Variants in TUBA1C observed in about 807,000 individuals in gnomAD.
TUBA1C encodes the protein tubulin alpha 1c.
In TUBA1C, 16 loss-of-function variants were observed where a neutral mutation model predicts 34.9. The ratio of observed to expected loss-of-function variants is 0.46; its 90% confidence interval spans 0.31 to 0.70. The LOEUF is 0.70. Ranked by LOEUF, TUBA1C falls within the 30% of genes least tolerant of loss-of-function variation. TUBA1C has a pLI of 0.05. For synonymous variants in TUBA1C, 177 were observed against 215.9 expected (o/e 0.82, Z 1.58); for missense variants, 329 against 587.3 (o/e 0.56, Z 4.55).
chr12:49,247,896 C>A (rs1045911768), intron 1 of TUBA1C, among the ~76,000 whole-genome samples: 1 of 146,986 alleles, frequency 6.8e-6, no homozygotes, highest in African/African-American at 2.5e-5. Flanking sequence ...TGCAGTGAGC[C>A]GAGATCCTGA....
upstream of TUBA1C, among the ~76,000 whole-genome samples, chr12:49,263,023 C>CTTTT (rs758187649): frequency 1.6e-4 from 19 of 117,100 alleles, no homozygotes; most frequent in East Asian, 2.8e-4. Context: ...GAGAATTACT[C>CTTTT]TTTTTTTTTT....
At chr12:49,248,173 G>A (rs1040043316) in intron 1 of TUBA1C, among the ~76,000 whole-genome samples, 2 of 151,954 alleles carry the variant, frequency 1.3e-5, no homozygotes, top group African/African-American at 2.4e-5. Flanking sequence ...TACCCAGGAG[G>A]CTGAGGCAGG....
intron 1 of TUBA1C, among the ~76,000 whole-genome samples, chr12:49,248,592 G>A (rs532500160): frequency 3.3e-5 from 5 of 151,028 alleles, no homozygotes; most frequent in Non-Finnish European, 5.9e-5. Context: ...GGCCGGGCAC[G>A]GTGGCCCACG....
intron 1 of TUBA1C, among the ~76,000 whole-genome samples, chr12:49,232,275 T>C (rs1426390293): frequency 6.6e-6 from 1 of 152,180 alleles, no homozygotes; most frequent in Non-Finnish European, 1.5e-5. Flanking sequence ...ACCTATAGTA[T>C]TTACAAAATG....
chr12:49,232,023 A>G (rs1942503325), intron 1 of TUBA1C, among the ~76,000 whole-genome samples: 1 of 152,154 alleles, frequency 6.6e-6, no homozygotes, highest in Admixed American at 6.6e-5. Flanking sequence ...GGTGGCTCTC[A>G]TTTCCTCCAG....
At chr12:49,269,370 T>C in intron 1 of TUBA1C, 95 bp from the exon 2 acceptor site, 2 of 1,568,184 alleles carry the variant, frequency 1.3e-6, no homozygotes, top group Non-Finnish European at 1.7e-6. Flanking sequence ...GCCAGTTATC[T>C]GTCTTGAAGG....
chr12:49,229,525 C>G (rs999717486), intron 1 of TUBA1C, among the ~76,000 whole-genome samples: 1 of 152,064 alleles, frequency 6.6e-6, no homozygotes, highest in African/African-American at 2.4e-5. Flanking sequence ...TCTTTACATA[C>G]CCCTTATACG....
intron 1 of TUBA1C, among the ~76,000 whole-genome samples, chr12:49,247,294 T>C (rs1427073921): frequency 1.3e-5 from 2 of 150,906 alleles, no homozygotes; most frequent in East Asian, 2.0e-4. Context: ...TGGTGGCTCA[T>C]GCCTGTAATC....
intron 1 of TUBA1C, among the ~76,000 whole-genome samples, chr12:49,269,168 TCCTC>T (rs1942954479): frequency 6.6e-6 from 1 of 152,136 alleles, no homozygotes; most frequent in African/African-American, 2.4e-5. Context: ...CAAGTGATTC[TCCTC>T]CCTCAGCCTC....
intron 1 of TUBA1C, among the ~76,000 whole-genome samples, chr12:49,243,313 C>T (rs1005538180): frequency 2.0e-5 from 3 of 152,044 alleles, no homozygotes; most frequent in Non-Finnish European, 4.4e-5. Flanking sequence ...TGGTGGCGCG[C>T]GCCTGGAGTC....
intron 1 of TUBA1C, among the ~76,000 whole-genome samples, chr12:49,241,323 A>C (rs186800035): frequency 3.9e-5 from 6 of 152,290 alleles, no homozygotes. Flanking sequence ...CCAGTGCCTA[A>C]CTAGTGCCTC....
intron 1 of TUBA1C, among the ~76,000 whole-genome samples, chr12:49,236,775 G>T (rs1386789603): frequency 6.6e-6 from 1 of 152,184 alleles, no homozygotes; most frequent in Admixed American, 6.5e-5. Context: ...TATATAGCAT[G>T]TAACTGTACT....
intron 1 of TUBA1C, among the ~76,000 whole-genome samples, chr12:49,257,258 G>T (rs147457862): frequency 2.0e-5 from 3 of 152,028 alleles, no homozygotes; most frequent in Non-Finnish European, 2.9e-5. Context: ...GGCAACATGC[G>T]CTGCTGTGTG....
At chr12:49,255,388 T>A (rs1942772429) in intron 1 of TUBA1C, among the ~76,000 whole-genome samples, 2 of 148,090 alleles carry the variant, frequency 1.4e-5, no homozygotes, top group Non-Finnish European at 1.5e-5. Flanking sequence ...CCCCAGCAGC[T>A]GAACTTATCT....
intron 1 of TUBA1C, chr12:49,258,032 CTA>C (rs1203334914): frequency 1.3e-5 from 2 of 157,046 alleles, no homozygotes; most frequent in African/African-American, 2.4e-5. Flanking sequence ...CTAATTTTTT[CTA>C]TGTTTAGTAG....
chr12:49,267,506 A>G (rs1247359862), intron 1 of TUBA1C, among the ~76,000 whole-genome samples: 1 of 152,224 alleles, frequency 6.6e-6, no homozygotes, highest in Non-Finnish European at 1.5e-5. Context: ...TAAAAATACG[A>G]AAATAAGGCA....
chr12:49,235,965 G>A (rs1052868636), intron 1 of TUBA1C, among the ~76,000 whole-genome samples: 1 of 152,094 alleles, frequency 6.6e-6, no homozygotes, highest in Admixed American at 6.5e-5. Flanking sequence ...TGCACACAGC[G>A]GGTTTCAGGG....
chr12:49,268,753 T>G (rs2137020577), intron 1 of TUBA1C, among the ~76,000 whole-genome samples: 2 of 152,288 alleles, frequency 1.3e-5, no homozygotes, highest in Admixed American at 1.3e-4. Flanking sequence ...ATGGCTATAG[T>G]TTGCTGGTTT....
chr12:49,244,053 G>A (rs1942644347), intron 1 of TUBA1C, among the ~76,000 whole-genome samples: 1 of 151,388 alleles, frequency 6.6e-6, no homozygotes, highest in African/African-American at 2.4e-5. Flanking sequence ...GGGAGGCTGA[G>A]GCACGATAAT....
Sources: gnomAD v4.1 joint callset for allele counts (sites outside exome capture counted in the v4.1 genomes callset) on GRCh38, gnomAD v4.1.1 for gene constraint, MANE v1.5 for transcripts, NCBI Gene and HGNC (gene_info 2026-07-23, HGNC 2026-07-21) for gene names.